DHX30: variants seen among roughly 807,000 people sequenced by gnomAD.
DHX30 encodes DExH-box helicase 30.
In DHX30, 4 loss-of-function variants were observed where a neutral mutation model predicts 116.9. The observed-to-expected ratio is 0.03, with a 90% CI of 0.02 to 0.08. DHX30 has a LOEUF of 0.08. Among genes scored for constraint, DHX30 ranks in the 10% least tolerant of loss-of-function variants. The probability of loss-of-function intolerance (pLI) is 1.00; values close to 1 mark genes in which losing one functional copy is unlikely to be tolerated. For synonymous variants in DHX30, 697 were observed against 651.7 expected (o/e 1.07, Z -1.06); for missense variants, 871 against 1,595.1 (o/e 0.55, Z 7.73).
chr3:47,814,581 G>A (rs1293379490), intron 3 of DHX30, among the ~76,000 whole-genome samples: 6 of 152,024 alleles, frequency 3.9e-5, no homozygotes, highest in Non-Finnish European at 5.9e-5. Context: ...GGGAGACCCT[G>A]TCTCTCTGTA....
intron 6 of DHX30, among the ~76,000 whole-genome samples, chr3:47,833,586 G>C (rs1398107435): frequency 6.6e-6 from 1 of 150,664 alleles, no homozygotes; most frequent in Non-Finnish European, 1.5e-5. Flanking sequence ...GTACTCTTGG[G>C]CGCTGGCTCA....
chr3:47,819,367 C>T (rs1006665457), intron 4 of DHX30: 41 of 1,066,872 alleles, frequency 3.8e-5, no homozygotes, highest in South Asian at 3.7e-4. Context: ...TGAGCACACG[C>T]GGAGGAGAAC....
chr3:47,847,594 AG>A lies in DHX30; in HGVS notation c.2110+61del. The A allele has an allele frequency of 6.7e-7, 1 of 1,502,740 alleles. No individual in the cohort carries two copies. The highest frequency in any genetic ancestry group is 8.9e-7 in the Non-Finnish European group (1 of 1,118,162). The allele number at this position is 1,502,740 out of a possible 1,614,324, so 93.1% of individuals were successfully genotyped here. A position where few individuals can be genotyped will look rare whatever the true frequency, so the allele number is the denominator to read the frequency against. ...TGGAAACCAGCCTGACCTCTGTCCT[AG>A]GGACTGACCCAACTGGGACTCCAGG... On this transcript the variant is annotated intron_variant, in intron 13 of 21. Transcript: ENST00000445061. The surrounding 1 kb of genome is among the most constrained non-coding windows in gnomAD (Gnocchi z 5.5).
intron 6 of DHX30, chr3:47,830,869 A>C (rs972191534): frequency 2.0e-5 from 3 of 152,344 alleles, no homozygotes; most frequent in Admixed American, 1.3e-4. Context: ...TGCTGGGATT[A>C]CAGGTGTGAA....
In DHX30 at chr3:47,827,494, C is replaced by G; in HGVS notation, c.255+17C>G. The stretch of plus-strand genomic sequence containing the variant: ...AAGAAAAAGGTAACTCTGCTGGTGG[C>G]AAGGAAAAACATTGGTATGACTCAG... On this transcript the variant is annotated intron_variant, in intron 5 of 21. Coordinates refer to ENST00000445061, the MANE Select transcript of DHX30 (RefSeq NM_138615.3). 1 of 1,603,282 alleles carries G rather than the reference C, an allele frequency of 6.2e-7. No individual in the cohort carries two copies. Among genetic ancestry groups the G allele is most frequent in the Non-Finnish European group, 8.5e-7 (1 of 1,175,980 alleles).
Position 47,848,089 on chromosome 3 carries a change from C to G in DHX30, c.2287-91C>G. 2.5e-6 allele frequency: 4 copies of G among 1,586,450 alleles called. No individual in the cohort carries two copies. In the South Asian group the frequency reaches 4.5e-5, roughly 18 times the overall value. ...CCGCGCTTGTGGGGTCTCAGTGTTC[C>G]TGATGTAGGGGGCTGGTGAGGGTTA... On this transcript the variant is annotated intron_variant, in intron 14 of 21. Coordinates refer to ENST00000445061, the MANE Select transcript of DHX30 (RefSeq NM_138615.3). The surrounding 1 kb of genome is among the most constrained non-coding windows in gnomAD (Gnocchi z 9.4).
chr3:47,821,243 A>G (rs1330903095), intron 4 of DHX30, among the ~76,000 whole-genome samples: 2 of 152,046 alleles, frequency 1.3e-5, no homozygotes, highest in East Asian at 3.9e-4. Context: ...GGCATGAGCC[A>G]CCATGCCTGG....
At chr3:47,825,019 C>T (rs771510365) in intron 4 of DHX30, 6 of 639,676 alleles carry the variant, frequency 9.4e-6, no homozygotes, top group South Asian at 8.3e-5. Context: ...GCGCACAGGC[C>T]TCGGGGTCGG....
At chr3:47,821,064 G>C (rs868145816) in intron 4 of DHX30, among the ~76,000 whole-genome samples, 3 of 151,128 alleles carry the variant, frequency 2.0e-5, no homozygotes. Flanking sequence ...TGTGATTCTT[G>C]TGCCTCAGCC....
intron 3 of DHX30, chr3:47,816,634 G>A (rs1366096976): frequency 1.0e-6 from 1 of 985,494 alleles, no homozygotes; most frequent in Non-Finnish European, 1.2e-6. Flanking sequence ...GGGATTATAG[G>A]CGTGAGCCAC....
rs1300954085 is a variant in DHX30 at position 47,847,108 on chromosome 3, C to T, written c.1929+107C>T. Reference sequence around the variant, plus strand: ...CCTGGGGCAAGTTACCCTCCCCAGTCCTCGGTTTCCTTGATAGAAACTGGG... The same window carrying T: ...CCTGGGGCAAGTTACCCTCCCCAGTTCTCGGTTTCCTTGATAGAAACTGGG... On this transcript the variant is annotated intron_variant, in intron 11 of 21. Transcript: ENST00000445061. The surrounding 1 kb of genome is among the most constrained non-coding windows in gnomAD (Gnocchi z 5.5). 1.3e-6 allele frequency: 2 copies of T among 1,493,380 alleles called. No homozygotes were observed. The highest frequency in any genetic ancestry group is 1.2e-5 in the South Asian group (1 of 80,214). 92.5% of individuals were successfully genotyped at this position (1,493,380 alleles called of 1,614,324 possible). A position where few individuals can be genotyped will look rare whatever the true frequency, so the allele number is the denominator to read the frequency against.
At chr3:47,829,805 A>G (rs1261196839) in intron 6 of DHX30, among the ~76,000 whole-genome samples, 1 of 151,960 alleles carries the variant, frequency 6.6e-6, no homozygotes, top group Non-Finnish European at 1.5e-5. Flanking sequence ...TCTCTATCGC[A>G]ATGTAGTCCT....
At position 47,849,543 on chromosome 3, in the gene DHX30, G is replaced by C. The variant is rs144662383; in HGVS notation, c.3180G>C (p.Ser1060=). 6 of 1,609,592 alleles carry C rather than the reference G, an allele frequency of 3.7e-6. No homozygotes were observed. The highest frequency in any genetic ancestry group is 5.1e-6 in the Non-Finnish European group (6 of 1,176,498). The stretch of plus-strand genomic sequence containing the variant: ...CAGGCAACATCCTGCTGCACAAGTC[G>C]ACCATTAACAGGTGAGGGCATGCAG... The part of the protein sequence containing the change: ...TKSGNILLHK[S]TINREATRLR... Residue 1060 remains serine (S), a synonymous_variant, in exon 20 of 22, where the codon TCG becomes TCC. Transcript: ENST00000445061.
At chr3:47,836,569 A>G (rs1490127753) in intron 6 of DHX30, among the ~76,000 whole-genome samples, 2 of 151,798 alleles carry the variant, frequency 1.3e-5, no homozygotes, top group African/African-American at 4.8e-5. Flanking sequence ...CCCAGGCTAG[A>G]GTGCAGTGGC....
Position 47,840,961 on chromosome 3 carries a change from G to A in DHX30, c.451G>A (p.Asp151Asn), listed in dbSNP as rs1421998947. The A allele has an allele frequency of 6.8e-6, 11 of 1,614,064 alleles. No individual in the cohort carries two copies. Among genetic ancestry groups the A allele is most frequent in the African/African-American group, 1.3e-5 (1 of 74,918 alleles). ...VLADRFGSPA[D>N]SWWRPEPTMP... ...AGCTGATCGCTTTGGCTCCCCTGCC[G>A]ACAGCTGGTGGCGTCCGGAACCCAC... Residue 151 changes from aspartate (D) to asparagine (N), a missense_variant, in exon 7 of 22, where the codon GAC becomes AAC. By Grantham distance (23) the Asp-to-Asn change is conservative. Transcript: ENST00000445061.
At chr3:47,814,661 C>T (rs1404777317) in intron 3 of DHX30, among the ~76,000 whole-genome samples, 2 of 151,732 alleles carry the variant, frequency 1.3e-5, no homozygotes. Context: ...GCTGGGACTA[C>T]AGGCGCCAGC....
chr3:47,828,261 A>G (rs1212866678), intron 5 of DHX30, among the ~76,000 whole-genome samples: 1 of 150,428 alleles, frequency 6.6e-6, no homozygotes, highest in Non-Finnish European at 1.5e-5. Flanking sequence ...GGGGTTTGGG[A>G]CCAGCCTGGG....
intron 9 of DHX30, among the ~76,000 whole-genome samples, chr3:47,844,592 A>G (rs2037516993): frequency 6.6e-6 from 1 of 152,220 alleles, no homozygotes; most frequent in Non-Finnish European, 1.5e-5. Context: ...CTTATAGCTG[A>G]TGGTGCCAGC....
chr3:47,850,141 G>A lies in DHX30; in HGVS notation c.*21G>A, dbSNP rs1156550192. On this transcript the variant is annotated 3_prime_UTR_variant, in exon 22 of 22. Coordinates refer to ENST00000445061, the MANE Select transcript of DHX30 (RefSeq NM_138615.3). ...ACTGAGCCCTGCTTCTGCTGGGGCT[G>A]TGTACAGAGTGCAAATGTTTATTTA... 2 of 1,563,142 alleles carry A rather than the reference G, an allele frequency of 1.3e-6. No homozygotes were observed. The highest frequency in any genetic ancestry group is 1.8e-5 in the Admixed American group (1 of 54,916).
Sources: allele counts gnomAD v4.1 joint callset (sites outside exome capture counted in the v4.1 genomes callset), GRCh38; gene constraint gnomAD v4.1.1; non-coding constraint Gnocchi (gnomAD v3.1); transcripts MANE v1.5; gene names NCBI Gene and HGNC (gene_info 2026-07-23, HGNC 2026-07-21).